SGCZ: variants seen among roughly 807,000 people sequenced by gnomAD.
SGCZ encodes the protein zeta-sarcoglycan.
SGCZ carries 40 observed loss-of-function variants against 41.3 expected under a neutral mutation model. The observed-to-expected ratio is 0.97, with a 90% CI of 0.75 to 1.26. The LOEUF is 1.26. SGCZ is among the 50% of genes most tolerant of loss of function. The pLI is 0.00. For missense variants in SGCZ, 552 were observed against 369.8 expected (o/e 1.49, Z -4.04); for synonymous variants, 206 against 137.5 (o/e 1.50, Z -3.49).
chr8:14,764,448 C>A lies in SGCZ; in HGVS notation c.40-209522G>T, dbSNP rs368716406. Reference sequence around the variant, plus strand: ...ATGGCTTCTTCAATAACAGAATAAACTGACATAATGTCTCTTGAAGTGATG... The same window carrying A: ...ATGGCTTCTTCAATAACAGAATAAAATGACATAATGTCTCTTGAAGTGATG... On this transcript the variant is annotated intron_variant, in intron 1 of 7. Transcript: ENST00000382080. 3.9e-5 allele frequency among the ~76,000 whole-genome samples: 6 copies of A among 152,174 alleles called. No individual in the cohort carries two copies. The East Asian group carries it at 1.2e-3, about 29-fold the overall frequency.
chr8:14,425,154 G>A (rs1799743486), intron 2 of SGCZ, among the ~76,000 whole-genome samples: 1 of 152,128 alleles, frequency 6.6e-6, no homozygotes, highest in Non-Finnish European at 1.5e-5. Flanking sequence ...AAACAGTGAA[G>A]TGAAGCACTC....
chr8:14,676,520 T>C (rs1808284122), intron 1 of SGCZ, among the ~76,000 whole-genome samples: 1 of 152,148 alleles, frequency 6.6e-6, no homozygotes, highest in Non-Finnish European at 1.5e-5. Flanking sequence ...TCCATCTCTA[T>C]CAGAGTAAAC....
At chr8:15,198,687 T>C (rs1563179664) in intron 1 of SGCZ, among the ~76,000 whole-genome samples, 3 of 152,214 alleles carry the variant, frequency 2.0e-5, no homozygotes, top group African/African-American at 7.2e-5. Context: ...GCTACATTAA[T>C]GGCTGTTATT....
At chr8:14,271,638 A>C (rs1301078358) in intron 3 of SGCZ, among the ~76,000 whole-genome samples, 1 of 152,124 alleles carries the variant, frequency 6.6e-6, no homozygotes, top group African/African-American at 2.4e-5. Context: ...AATATATAGA[A>C]AGATTTTTTT....
At chr8:14,484,729 A>G (rs568869365) in intron 2 of SGCZ, among the ~76,000 whole-genome samples, 178 of 152,312 alleles carry the variant, frequency 1.2e-3, no homozygotes, top group Non-Finnish European at 2.2e-3. Flanking sequence ...TATTGTGCCC[A>G]TATTTATATC....
chr8:14,471,828 A>G (rs1367905654), intron 2 of SGCZ, among the ~76,000 whole-genome samples: 2 of 152,118 alleles, frequency 1.3e-5, no homozygotes, highest in African/African-American at 2.4e-5. Context: ...ACGATTCTAA[A>G]TAAATGAATA....
At chr8:15,203,671 G>C (rs1424605619) in intron 1 of SGCZ, among the ~76,000 whole-genome samples, 1 of 152,146 alleles carries the variant, frequency 6.6e-6, no homozygotes, top group Non-Finnish European at 1.5e-5. Context: ...CAAATAGAAA[G>C]GAAAATAAAT....
chr8:15,214,735 G>A (rs919245007), intron 1 of SGCZ, among the ~76,000 whole-genome samples: 1 of 152,058 alleles, frequency 6.6e-6, no homozygotes, highest in Non-Finnish European at 1.5e-5. Flanking sequence ...CTCAAATTCT[G>A]AACACTTTGA....
Position 14,432,914 on chromosome 8 carries a change from C to CAA in SGCZ, c.235-108712_235-108711dup, listed in dbSNP as rs767979164. 3.9e-3 allele frequency among the ~76,000 whole-genome samples: 297 copies of CAA among 75,578 alleles called. 28 individuals are homozygous for CAA. Among genetic ancestry groups the CAA allele is most frequent in the African/African-American group, 8.4e-3 (134 of 16,012 alleles). The allele number at this position is 75,578 out of a possible 152,430, so 49.6% of individuals were successfully genotyped here. ...GGGCAAAAGAGTGAGACTGTGTCTC[C>CAA]AAAAAAAAAAAAAAAAAAAAAAAAA... On this transcript the variant is annotated intron_variant, in intron 2 of 7. Transcript: ENST00000382080.
chr8:14,267,368 A>C (rs544012136), intron 3 of SGCZ, among the ~76,000 whole-genome samples: 1 of 152,186 alleles, frequency 6.6e-6, no homozygotes, highest in African/African-American at 2.4e-5. Context: ...TTATCATTTA[A>C]ATTTTATTTA....
At chr8:14,938,751 T>A (rs559122062) in intron 1 of SGCZ, among the ~76,000 whole-genome samples, 1 of 152,196 alleles carries the variant, frequency 6.6e-6, no homozygotes, top group South Asian at 2.1e-4. Context: ...AATTCAGGAA[T>A]GGAAAACCAA....
chr8:15,200,898 T>C (rs1037222238), intron 1 of SGCZ, among the ~76,000 whole-genome samples: 2 of 152,172 alleles, frequency 1.3e-5, no homozygotes, highest in Non-Finnish European at 2.9e-5. Context: ...TAATCAAAAC[T>C]CAAATTGAAA....
chr8:14,449,591 C>T (rs1339073895), intron 2 of SGCZ, among the ~76,000 whole-genome samples: 2 of 152,138 alleles, frequency 1.3e-5, no homozygotes, highest in Admixed American at 6.6e-5. Context: ...GTCCCCTCTA[C>T]TCCCTCCATC....
rs117849878 is a variant in SGCZ, at chr8:14,290,233, T to C, written c.336+33870A>G. Among the ~76,000 whole-genome samples the C allele has an allele frequency of 6.9e-3, 1,048 of 151,972 alleles. 4 individuals are homozygous for C. The highest frequency in any genetic ancestry group is 0.011 in the Non-Finnish European group (767 of 67,954). ...AACGTAAGACTCAAAACTACAAAAC[T>C]ACAAGAAGGAAACATAGAGGGAAAT... On this transcript the variant is annotated intron_variant, in intron 3 of 7. Transcript: ENST00000382080.
At chr8:14,326,451 A>G (rs1466079707) in intron 2 of SGCZ, among the ~76,000 whole-genome samples, 1 of 152,300 alleles carries the variant, frequency 6.6e-6, no homozygotes, top group South Asian at 2.1e-4. Context: ...GACTCTTTAA[A>G]TTTTTTAAAA....
At chr8:15,040,472 C>T (rs1175567667) in intron 1 of SGCZ, among the ~76,000 whole-genome samples, 2 of 151,912 alleles carry the variant, frequency 1.3e-5, no homozygotes, top group Non-Finnish European at 2.9e-5. Context: ...AAAAAATTAG[C>T]CGGGAGTGGT....
chr8:14,386,722 A>T (rs1207481237), intron 2 of SGCZ, among the ~76,000 whole-genome samples: 2 of 152,216 alleles, frequency 1.3e-5, no homozygotes, highest in African/African-American at 4.8e-5. Context: ...CATATTTCAA[A>T]AATCTTAATT....
intron 1 of SGCZ, among the ~76,000 whole-genome samples, chr8:15,076,934 C>T (rs1327686252): frequency 1.3e-5 from 2 of 152,112 alleles, no homozygotes; most frequent in African/African-American, 4.8e-5. Flanking sequence ...TGCTTCATGT[C>T]AATTGATTGG....
chr8:15,209,730 G>C (rs1801180813), intron 1 of SGCZ, among the ~76,000 whole-genome samples: 2 of 151,564 alleles, frequency 1.3e-5, no homozygotes, highest in Non-Finnish European at 2.9e-5. Flanking sequence ...TCTTATCGTT[G>C]ACCACCAGAA....
Sources: gnomAD v4.1 joint callset for allele counts (sites outside exome capture counted in the v4.1 genomes callset) on GRCh38, gnomAD v4.1.1 for gene constraint, MANE v1.5 for transcripts, NCBI Gene and HGNC (gene_info 2026-07-23, HGNC 2026-07-21) for gene names.